Variants in PGM5 observed in about 807,000 individuals in gnomAD.
PGM5 encodes phosphoglucomutase-like protein 5.
Under a neutral mutation model 59.2 loss-of-function variants are expected in PGM5, and 23 were observed. The observed-to-expected ratio is 0.39, with a 90% CI of 0.28 to 0.55. PGM5 has a LOEUF of 0.55. Ranked by LOEUF, PGM5 falls within the 20% of genes least tolerant of loss-of-function variation. The pLI is 0.66. For synonymous variants in PGM5, 214 were observed against 286.0 expected (o/e 0.75, Z 2.54); for missense variants, 574 against 748.3 (o/e 0.77, Z 2.72).
At chr9:68,393,055 T>G (rs1276975374) in intron 6 of PGM5, among the ~76,000 whole-genome samples, 16 of 152,000 alleles carry the variant, frequency 1.1e-4, no homozygotes, top group Admixed American at 4.6e-4. Flanking sequence ...GGGCTCTAAC[T>G]AACCCTATTA....
intron 6 of PGM5, among the ~76,000 whole-genome samples, chr9:68,442,341 A>G (rs1460369221): frequency 6.6e-6 from 1 of 152,098 alleles, no homozygotes; most frequent in Non-Finnish European, 1.5e-5. Context: ...CTGGAGTGCA[A>G]TGGCACCGTG....
chr9:68,523,284 T>C (rs1824924997), intron 10 of PGM5, among the ~76,000 whole-genome samples: 1 of 152,154 alleles, frequency 6.6e-6, no homozygotes, highest in Non-Finnish European at 1.5e-5. Context: ...CTTAGAGCAG[T>C]GGTCCTCAGA....
intron 6 of PGM5, among the ~76,000 whole-genome samples, chr9:68,400,272 A>T (rs1299467015): frequency 8.5e-5 from 13 of 152,144 alleles, no homozygotes; most frequent in Non-Finnish European, 1.8e-4. Context: ...TCTCCTGATT[A>T]TAGAACACGC....
Position 68,491,007 on chromosome 9 carries a change from C to T in PGM5, c.1479+6959C>T, listed in dbSNP as rs145844039. Among the ~76,000 whole-genome samples, 482 of 152,250 alleles carry T rather than the reference C, an allele frequency of 3.2e-3. 1 individual carries two copies. Among genetic ancestry groups the T allele is most frequent in the African/African-American group, 0.011 (471 of 41,550 alleles). ...GAATCTCTGCAATAAACATATATTC[C>T]TTTCCTAACTTAGTCTAATATGGTG... is the stretch of plus-strand genomic sequence containing the variant. On this transcript the variant is annotated intron_variant, in intron 9 of 10. Transcript: ENST00000396396.
intron 1 of PGM5, among the ~76,000 whole-genome samples, chr9:68,371,133 G>A (rs1272226485): frequency 1.3e-5 from 2 of 152,136 alleles, no homozygotes; most frequent in Non-Finnish European, 2.9e-5. Flanking sequence ...CCCCTTAATG[G>A]CAGTAGCATC....
rs115786117 is a variant in PGM5, at chr9:68,437,830, A to G, written c.1044-27263A>G. Among the ~76,000 whole-genome samples the G allele has an allele frequency of 1.7e-3, 257 of 152,296 alleles. No homozygotes were observed. The highest frequency in any genetic ancestry group is 5.7e-3 in the African/African-American group (235 of 41,548). ...GGCAGTACTGGGCCTACATTTCCCT[A>G]TAGCAATATTTGTCTGAAGCTGAGT... On this transcript the variant is annotated intron_variant, in intron 6 of 10. Coordinates refer to ENST00000396396, the MANE Select transcript of PGM5 (RefSeq NM_021965.4). This position sits in a 1 kb window ranked among gnomAD's most constrained non-coding sequence, Gnocchi z 4.1.
At chr9:68,376,830 TTTC>T (rs1821917590) in intron 1 of PGM5, among the ~76,000 whole-genome samples, 1 of 108,620 alleles carries the variant, frequency 9.2e-6, no homozygotes. Flanking sequence ...TCTTTCTTTC[TTTC>T]TCTTTCTTTC....
chr9:68,484,598 CA>C lies in PGM5; in HGVS notation c.1479+561del, dbSNP rs58109556. The stretch of plus-strand genomic sequence containing the variant: ...CACACAAAACAAAACAAACAAAAAA[CA>C]AAAAAAAAAACAAAAGAACATGGGT... On this transcript the variant is annotated intron_variant, in intron 9 of 10. Coordinates refer to ENST00000396396, the MANE Select transcript of PGM5 (RefSeq NM_021965.4). Among the ~76,000 whole-genome samples, 504 of 132,850 alleles carry C rather than the reference CA, an allele frequency of 3.8e-3. 1 individual carries two copies. The highest frequency in any genetic ancestry group is 0.016 in the Middle Eastern group (4 of 258). The allele number at this position is 132,850 out of a possible 152,430, so 87.2% of individuals were successfully genotyped here. A position where few individuals can be genotyped will look rare whatever the true frequency, so the allele number is the denominator to read the frequency against.
intron 10 of PGM5, among the ~76,000 whole-genome samples, chr9:68,507,978 A>G (rs7034863): frequency 0.074 from 11,196 of 152,222 alleles, 765 homozygotes; most frequent in East Asian, 0.35. Context: ...TGTCTATCAT[A>G]GACCAGGGCT....
intron 3 of PGM5, 94 bp from the exon 4 acceptor site, chr9:68,387,369 A>G: frequency 9.2e-7 from 1 of 1,090,238 alleles, no homozygotes; most frequent in African/African-American, 1.6e-5. Flanking sequence ...TGTGACCAGA[A>G]TTTCATGCTC....
intron 7 of PGM5, among the ~76,000 whole-genome samples, chr9:68,477,515 A>T (rs1824126558): frequency 6.6e-6 from 1 of 152,182 alleles, no homozygotes; most frequent in Non-Finnish European, 1.5e-5. Context: ...GTAGTTCTGA[A>T]ACCCAAGAAT....
chr9:68,529,473 A>G lies in PGM5; in HGVS notation c.1615-94A>G, dbSNP rs1369392214. 3.5e-6 allele frequency: 3 copies of G among 851,676 alleles called. No homozygotes were observed. In the African/African-American group the frequency reaches 5.1e-5, roughly 15 times the overall value. 52.8% of individuals were successfully genotyped at this position (851,676 alleles called of 1,614,324 possible). On this transcript the variant is annotated intron_variant, in intron 10 of 10. Transcript: ENST00000396396. ...GACTGCCTGTAAACAGTGAATTGGAATCTGAGTCCAGATGCTTATGGTAGA... is the reference window on the plus strand; with the variant it reads ...GACTGCCTGTAAACAGTGAATTGGAGTCTGAGTCCAGATGCTTATGGTAGA...
At chr9:68,408,092 G>A (rs1554681300) in intron 6 of PGM5, among the ~76,000 whole-genome samples, 1 of 152,238 alleles carries the variant, frequency 6.6e-6, no homozygotes, top group African/African-American at 2.4e-5. Context: ...GGAAGTGAAA[G>A]GTGGACATTT....
intron 10 of PGM5, among the ~76,000 whole-genome samples, chr9:68,524,734 C>T (rs891395930): frequency 5.3e-5 from 8 of 152,176 alleles, no homozygotes; most frequent in Non-Finnish European, 1.2e-4. Context: ...GATTTCCCTG[C>T]TCCTCCCCAT....
chr9:68,357,068 C>T lies in PGM5; in HGVS notation c.-60C>T, dbSNP rs1272276816. 4.3e-6 allele frequency: 6 copies of T among 1,407,942 alleles called. No individual in the cohort carries two copies. In the African/African-American group the frequency reaches 6.0e-5, roughly 14 times the overall value. 87.2% of individuals were successfully genotyped at this position (1,407,942 alleles called of 1,614,324 possible). ...GCGCAGCCAGGCTGGTGGAGGCCCC[C>T]GGCAGGCTGCAGATTCCCTCCGGCT... On this transcript the variant is annotated 5_prime_UTR_variant, in exon 1 of 11. Coordinates refer to ENST00000396396, the MANE Select transcript of PGM5 (RefSeq NM_021965.4).
intron 6 of PGM5, among the ~76,000 whole-genome samples, chr9:68,459,073 TA>T (rs1587816912): frequency 6.6e-6 from 1 of 152,232 alleles, no homozygotes; most frequent in East Asian, 1.9e-4. Context: ...TGTTAGACAT[TA>T]ACCAGCATAT....
chr9:68,505,576 C>T (rs1368778221), intron 10 of PGM5, among the ~76,000 whole-genome samples: 1 of 152,142 alleles, frequency 6.6e-6, no homozygotes, highest in Non-Finnish European at 1.5e-5. Flanking sequence ...AAAAGTGCTT[C>T]GCTTAGCATT....
intron 6 of PGM5, among the ~76,000 whole-genome samples, chr9:68,440,393 C>T (rs542654816): frequency 5.3e-4 from 81 of 152,178 alleles, no homozygotes; most frequent in Admixed American, 3.4e-3. Flanking sequence ...TGTTCCCTGA[C>T]CATAATAGAA....
intron 6 of PGM5, among the ~76,000 whole-genome samples, chr9:68,457,933 G>A (rs1823803775): frequency 6.6e-6 from 1 of 152,182 alleles, no homozygotes; most frequent in African/African-American, 2.4e-5. Flanking sequence ...AAGCCTGAAG[G>A]ATAGCTGACA....
Sources: allele counts gnomAD v4.1 joint callset (sites outside exome capture counted in the v4.1 genomes callset), GRCh38; gene constraint gnomAD v4.1.1; non-coding constraint Gnocchi (gnomAD v3.1); transcripts MANE v1.5; gene names NCBI Gene and HGNC (gene_info 2026-07-23, HGNC 2026-07-21).